Variants in NAT1 observed in about 807,000 individuals in gnomAD.
NAT1 encodes N-acetyltransferase 1.
For synonymous variants in NAT1, 144 were observed against 122.6 expected (o/e 1.17, Z -1.16); for missense variants, 400 against 339.2 (o/e 1.18, Z -1.41).
At position 18,183,422 on chromosome 8, in the gene NAT1, G is replaced by T. The variant is rs538161545; in HGVS notation, n.92+12683G>T. The stretch of plus-strand genomic sequence containing the variant: ...CATTAATTCTTTCTCAATAGTCCCG[G>T]TAAGTCCAAAGTCCAGAGTCCCATC... On this transcript the variant is annotated intron_variant and non_coding_transcript_variant, in intron 2 of 4. Transcript: ENST00000517441. Among the ~76,000 whole-genome samples, 5 of 152,272 alleles carry T rather than the reference G, an allele frequency of 3.3e-5. No individual in the cohort carries two copies. The South Asian group carries it at 1.0e-3, about 32-fold the overall frequency.
intron 2 of NAT1, 128 bp from the exon 3 acceptor site, chr8:18,221,914 C>A: frequency 1.0e-6 from 1 of 986,020 alleles, no homozygotes. Context: ...ACAATGAAAG[C>A]ACTAGAAATA....
At chr8:18,199,551 G>A (rs1803378762) in intron 2 of NAT1, among the ~76,000 whole-genome samples, 1 of 152,072 alleles carries the variant, frequency 6.6e-6, no homozygotes, top group Non-Finnish European at 1.5e-5. Flanking sequence ...CTTCCTTGCG[G>A]AGTTCCAAGA....
At chr8:18,214,769 A>G (rs1327775253) in intron 1 of NAT1, among the ~76,000 whole-genome samples, 2 of 152,278 alleles carry the variant, frequency 1.3e-5, no homozygotes, top group East Asian at 3.9e-4. Context: ...GGTTTGTTGT[A>G]CAGATTTTAT....
At chr8:18,181,912 T>C (rs1302407469) in intron 2 of NAT1, among the ~76,000 whole-genome samples, 2 of 152,192 alleles carry the variant, frequency 1.3e-5, no homozygotes, top group Non-Finnish European at 2.9e-5. Context: ...ATTCTCCCTC[T>C]CTAGGTTTGG....
intron 1 of NAT1, among the ~76,000 whole-genome samples, chr8:18,214,341 G>T (rs1209242605): frequency 6.6e-6 from 1 of 152,120 alleles, no homozygotes; most frequent in African/African-American, 2.4e-5. Context: ...GCTCTTTTAT[G>T]TTTGATATTA....
chr8:18,189,403 A>G (rs1802888532), intron 2 of NAT1, among the ~76,000 whole-genome samples: 1 of 152,138 alleles, frequency 6.6e-6, no homozygotes. Flanking sequence ...ACGAGATGGG[A>G]AAAGAGAGCA....
At chr8:18,202,501 A>G (rs1055274521) in intron 2 of NAT1, among the ~76,000 whole-genome samples, 3 of 152,184 alleles carry the variant, frequency 2.0e-5, no homozygotes, top group African/African-American at 7.2e-5. Context: ...TGAGTGTTAC[A>G]GCTATTAAAG....
At chr8:18,199,094 A>C (rs912028441) in intron 2 of NAT1, among the ~76,000 whole-genome samples, 21 of 151,962 alleles carry the variant, frequency 1.4e-4, no homozygotes, top group Admixed American at 2.6e-4. Flanking sequence ...CAGGTGGATT[A>C]CTTGAGGTCA....
chr8:18,204,706 G>T (rs1041240835), intron 2 of NAT1, among the ~76,000 whole-genome samples: 1 of 152,086 alleles, frequency 6.6e-6, no homozygotes, highest in Non-Finnish European at 1.5e-5. Context: ...GTATTTCTAA[G>T]AGTTAAAATG....
At chr8:18,210,930 A>G (rs112103870) in intron 1 of NAT1, among the ~76,000 whole-genome samples, 1,586 of 152,224 alleles carry the variant, frequency 0.01, 25 homozygotes, top group African/African-American at 0.035. Flanking sequence ...ACCCGCCACC[A>G]TGCCTGGCTA....
intron 2 of NAT1, among the ~76,000 whole-genome samples, chr8:18,187,557 C>T (rs1021007824): frequency 4.6e-5 from 7 of 152,046 alleles, no homozygotes; most frequent in Non-Finnish European, 8.8e-5. Context: ...TCTGCAGCAA[C>T]GTGGATGCAA....
chr8:18,179,605 C>A (rs527729412), intron 2 of NAT1, among the ~76,000 whole-genome samples: 1 of 152,268 alleles, frequency 6.6e-6, no homozygotes, highest in African/African-American at 2.4e-5. Context: ...GCAGTCCCTG[C>A]TGGAGTCTGC....
chr8:18,212,147 G>A (rs990635766), intron 1 of NAT1: 3 of 152,148 alleles, frequency 2.0e-5, no homozygotes, highest in Non-Finnish European at 2.9e-5. Context: ...CTAGAGACCT[G>A]GAATTGAACA....
chr8:18,205,109 G>A (rs1380075137), upstream of NAT1, among the ~76,000 whole-genome samples: 3 of 152,112 alleles, frequency 2.0e-5, no homozygotes, highest in East Asian at 1.9e-4. Context: ...GGGTGGTGTC[G>A]GCCAAAGCAT....
At chr8:18,191,348 G>A (rs960976215) in intron 2 of NAT1, among the ~76,000 whole-genome samples, 2 of 152,058 alleles carry the variant, frequency 1.3e-5, no homozygotes, top group Admixed American at 6.6e-5. Context: ...AACCTCTGAA[G>A]TTTTTTATAA....
intron 2 of NAT1, 61 bp from the exon 3 acceptor site, chr8:18,221,981 C>A: frequency 6.7e-7 from 1 of 1,493,704 alleles, no homozygotes; most frequent in Non-Finnish European, 9.0e-7. Flanking sequence ...CCATAATTAG[C>A]CTACTCAAAT....
intron 1 of NAT1, among the ~76,000 whole-genome samples, chr8:18,215,208 C>T (rs1201427659): frequency 6.6e-6 from 1 of 152,198 alleles, no homozygotes; most frequent in Non-Finnish European, 1.5e-5. Context: ...TCCAATCTGT[C>T]ATTGATGGGT....
chr8:18,199,658 T>C (rs1002639986), intron 2 of NAT1, among the ~76,000 whole-genome samples: 1 of 152,164 alleles, frequency 6.6e-6, no homozygotes, highest in East Asian at 1.9e-4. Flanking sequence ...AGGAATTGCT[T>C]TGGACTCAGA....
chr8:18,215,618 A>G (rs1294645041), intron 1 of NAT1, among the ~76,000 whole-genome samples: 2 of 152,016 alleles, frequency 1.3e-5, no homozygotes, highest in Non-Finnish European at 2.9e-5. Context: ...AGATACCTGT[A>G]CAATTTTTTT....
Sources: gnomAD v4.1 joint callset for allele counts (sites outside exome capture counted in the v4.1 genomes callset) on GRCh38, gnomAD v4.1.1 for gene constraint, MANE v1.5 for transcripts, NCBI Gene and HGNC (gene_info 2026-07-23, HGNC 2026-07-21) for gene names.